The following PTPRN2 variants were observed in gnomAD, a reference collection of about 807,000 sequenced individuals.
The protein encoded by PTPRN2 is protein tyrosine phosphatase receptor type N2, also known as receptor-type tyrosine-protein phosphatase N2.
PTPRN2 carries 74 observed loss-of-function variants against 118.8 expected under a neutral mutation model. That is an observed-to-expected ratio of 0.62 (90% CI 0.52 to 0.76). PTPRN2 has a LOEUF of 0.76. PTPRN2 is among the 30% of genes least tolerant of loss of function. The probability of loss-of-function intolerance (pLI) is 0.00; values close to 1 mark genes in which losing one functional copy is unlikely to be tolerated. For missense variants in PTPRN2, 1,481 were observed against 1,394.4 expected, an observed-to-expected ratio of 1.06 and a Z score of -0.99; for synonymous variants, 641 against 608.0, an observed-to-expected ratio of 1.05 and a Z score of -0.80.
chr7:158,556,121 T>C (rs541841713), intron 1 of PTPRN2, among the ~76,000 whole-genome samples: 26 of 152,358 alleles, frequency 1.7e-4, no homozygotes, highest in African/African-American at 5.5e-4. Flanking sequence ...GACTATGTTC[T>C]ATTGATAGAT....
intron 19 of PTPRN2, among the ~76,000 whole-genome samples, chr7:157,574,957 C>T (rs1241915881): frequency 6.6e-6 from 1 of 152,216 alleles, no homozygotes; most frequent in African/African-American, 2.4e-5. Context: ...GCTTTCAAAA[C>T]CGTGTCTGGG....
At chr7:158,273,153 C>T (rs977798003) in intron 3 of PTPRN2, among the ~76,000 whole-genome samples, 2 of 152,138 alleles carry the variant, frequency 1.3e-5, no homozygotes, top group African/African-American at 4.8e-5. Flanking sequence ...TTCGAGTGCC[C>T]TTCGGGAGTG....
At chr7:158,291,223 T>C (rs185507919) in intron 3 of PTPRN2, among the ~76,000 whole-genome samples, 1 of 152,338 alleles carries the variant, frequency 6.6e-6, no homozygotes, top group East Asian at 1.9e-4. Flanking sequence ...TCATGACTCT[T>C]TTGATGTGGA....
At chr7:158,250,681 T>C (rs1052589963) in intron 3 of PTPRN2, among the ~76,000 whole-genome samples, 4 of 152,218 alleles carry the variant, frequency 2.6e-5, no homozygotes, top group African/African-American at 9.6e-5. Flanking sequence ...TTGTGGTTTC[T>C]CTCTCGTCTG....
chr7:157,996,348 A>T (rs745716674), intron 11 of PTPRN2, among the ~76,000 whole-genome samples: 95 of 152,360 alleles, frequency 6.2e-4, no homozygotes, highest in Non-Finnish European at 1.2e-3. Flanking sequence ...TGATGGCTAC[A>T]CTCAAAGCCC....
rs1033085047 is a variant in PTPRN2 at position 157,944,746 on chromosome 7, T to C, written c.1724-46009A>G. On this transcript the variant is annotated intron_variant, in intron 11 of 22. Transcript: ENST00000389418. This position sits in a 1 kb window ranked among gnomAD's most constrained non-coding sequence, Gnocchi z 4.3. ...GGTCCACGTGCATGGATGAGAGCTG[T>C]GCCCCTCTCTTCTCTAAGCCAAGGG... is the stretch of plus-strand genomic sequence containing the variant. Among the ~76,000 whole-genome samples, 2 of 152,302 alleles carry C rather than the reference T, an allele frequency of 1.3e-5. No individual in the cohort carries two copies. Among genetic ancestry groups the C allele is most frequent in the South Asian group, 2.1e-4 (1 of 4,820 alleles).
At chr7:158,206,839 G>C (rs1443963970) in intron 3 of PTPRN2, among the ~76,000 whole-genome samples, 1 of 150,134 alleles carries the variant, frequency 6.7e-6, no homozygotes, top group Non-Finnish European at 1.5e-5. Context: ...TTAAGTTTTA[G>C]GGTACATGTG....
intron 11 of PTPRN2, among the ~76,000 whole-genome samples, chr7:158,067,802 C>T (rs1449013243): frequency 6.6e-6 from 1 of 151,816 alleles, no homozygotes; most frequent in African/African-American, 2.4e-5. Flanking sequence ...CACACCGGGT[C>T]GGGTCAGGCT....
Position 157,603,978 on chromosome 7 carries a change from C to T in PTPRN2, c.2418+24G>A, listed in dbSNP as rs773864036. 10 of 1,610,286 alleles carry T rather than the reference C, an allele frequency of 6.2e-6. 1 individual carries two copies. The highest frequency in any genetic ancestry group is 1.7e-5 in the Admixed American group (1 of 59,942). On this transcript the variant is annotated intron_variant, in intron 16 of 22. Coordinates refer to ENST00000389418, the MANE Select transcript of PTPRN2 (RefSeq NM_002847.5). This position sits in a 1 kb window ranked among gnomAD's most constrained non-coding sequence, Gnocchi z 5.4. ...GTGCCACCCAAGGGAAAGCCTGGGG[C>T]CCCTGTCCCGGCAGTGCACTTACGA... is the stretch of plus-strand genomic sequence containing the variant.
chr7:158,132,155 A>G (rs1387615268), intron 9 of PTPRN2, among the ~76,000 whole-genome samples: 3 of 151,878 alleles, frequency 2.0e-5, no homozygotes, highest in African/African-American at 7.3e-5. Flanking sequence ...ATACACAGAT[A>G]CACATCTACC....
intron 10 of PTPRN2, among the ~76,000 whole-genome samples, chr7:158,103,480 T>A (rs942394318): frequency 6.6e-6 from 1 of 152,228 alleles, no homozygotes; most frequent in Admixed American, 6.5e-5. Flanking sequence ...GCTGTGCCCA[T>A]GGAGCAGCGA....
intron 2 of PTPRN2, among the ~76,000 whole-genome samples, chr7:158,488,708 T>C (rs1479744593): frequency 2.0e-5 from 3 of 152,312 alleles, no homozygotes; most frequent in South Asian, 2.1e-4. Context: ...TGTGCAGAGA[T>C]TAGTGGGTGC....
chr7:158,170,974 TACATACATATATATATAC>T lies in PTPRN2; in HGVS notation c.550-3701_550-3684del, dbSNP rs1468558625. Among the ~76,000 whole-genome samples, 814 of 149,348 alleles carry T rather than the reference TACATACATATATATATAC, an allele frequency of 5.5e-3. 4 individuals carry two copies. The highest frequency in any genetic ancestry group is 9.7e-3 in the African/African-American group (393 of 40,472). ...TACTTTACCTTATCCTTCATATATA[TACATACATATATATATAC>T]ACATACATATATATATACACATACA... is the stretch of plus-strand genomic sequence containing the variant. On this transcript the variant is annotated intron_variant, in intron 5 of 22. Transcript: ENST00000389418.
chr7:158,303,483 T>C (rs1353224341), intron 3 of PTPRN2, among the ~76,000 whole-genome samples: 1 of 152,264 alleles, frequency 6.6e-6, no homozygotes, highest in Admixed American at 6.5e-5. Context: ...TTCTCCATTA[T>C]TCTATGAAAA....
At chr7:157,994,609 CTT>C (rs1804545913) in intron 11 of PTPRN2, among the ~76,000 whole-genome samples, 2 of 149,092 alleles carry the variant, frequency 1.3e-5, no homozygotes, top group African/African-American at 2.5e-5. Flanking sequence ...GCGTCCCCAG[CTT>C]ACAACTCCTG....
At chr7:157,577,970 C>T (rs752715564) in intron 18 of PTPRN2, 51 bp downstream of exon 18, 20 of 1,513,266 alleles carry the variant, frequency 1.3e-5, no homozygotes, top group Middle Eastern at 2.2e-4. Flanking sequence ...GAGCAGGGCC[C>T]GTCCTCGTCC....
At position 157,787,036 on chromosome 7, in the gene PTPRN2, ACGCGGGGG is replaced by A. The variant is rs772826513; in HGVS notation, c.1789-104107_1789-104100del. ...GAGGCGGACACAGGTGCGGCGGGGG[ACGCGGGGG>A]TGGCTGCCCGGGAGGCGGACGCGGG... On this transcript the variant is annotated intron_variant, in intron 12 of 22. Transcript: ENST00000389418. This position sits in a 1 kb window ranked among gnomAD's most constrained non-coding sequence, Gnocchi z 5.3. 7.8e-3 allele frequency among the ~76,000 whole-genome samples: 1,159 copies of A among 147,748 alleles called. 36 individuals are homozygous for A. The highest frequency in any genetic ancestry group is 8.2e-3 in the Non-Finnish European group (550 of 67,156).
At chr7:158,405,035 G>A (rs565652144) in intron 2 of PTPRN2, among the ~76,000 whole-genome samples, 45 of 99,540 alleles carry the variant, frequency 4.5e-4, no homozygotes, top group Non-Finnish European at 7.8e-4. Flanking sequence ...CCAGCTCCCC[G>A]GCCCCCAGCT....
At chr7:158,265,984 G>A (rs1220143683) in intron 3 of PTPRN2, among the ~76,000 whole-genome samples, 1 of 152,354 alleles carries the variant, frequency 6.6e-6, no homozygotes, top group East Asian at 1.9e-4. Flanking sequence ...CTCCCCAGGG[G>A]TTGGGGACCC....
Sources: allele counts gnomAD v4.1 joint callset (sites outside exome capture counted in the v4.1 genomes callset), GRCh38; gene constraint gnomAD v4.1.1; non-coding constraint Gnocchi (gnomAD v3.1); transcripts MANE v1.5; gene names NCBI Gene and HGNC (gene_info 2026-07-23, HGNC 2026-07-21).